MTCL1: variants seen among roughly 807,000 people sequenced by gnomAD.
MTCL1 encodes the protein microtubule crosslinking factor 1, also known as microtubule cross-linking factor 1.
In MTCL1, 79 loss-of-function variants were observed where a neutral mutation model predicts 141.4. The ratio of observed to expected loss-of-function variants is 0.56; its 90% CI spans 0.47 to 0.67. The LOEUF is 0.67. Among genes scored for constraint, MTCL1 ranks in the 30% least tolerant of loss-of-function variants. The probability of loss-of-function intolerance (pLI) is 0.00; values close to 1 mark genes in which losing one functional copy is unlikely to be tolerated. For synonymous variants in MTCL1, 914 were observed against 875.8 expected (o/e 1.04, Z -0.77); for missense variants, 2,177 against 2,113.9 (o/e 1.03, Z -0.59).
intron 4 of MTCL1, among the ~76,000 whole-genome samples, chr18:8,765,656 G>C (rs1298148367): frequency 1.3e-5 from 2 of 152,210 alleles, no homozygotes; most frequent in African/African-American, 2.4e-5. Context: ...CTCCTCCCAT[G>C]CTTCCTCCAA....
intron 16 of MTCL1, chr18:8,829,931 G>A: frequency 1.0e-6 from 1 of 985,294 alleles, no homozygotes; most frequent in Non-Finnish European, 1.2e-6. Context: ...CTGGCAAAGA[G>A]GGGGTACTGA....
chr18:8,806,080 G>A (rs1267024407), intron 10 of MTCL1, among the ~76,000 whole-genome samples: 1 of 152,112 alleles, frequency 6.6e-6, no homozygotes, highest in Non-Finnish European at 1.5e-5. Context: ...CTTAACATGA[G>A]CCAAGGATTG....
exon 13 of MTCL1, chr18:8,819,016 A>G: frequency 6.2e-7 from 1 of 1,614,256 alleles, no homozygotes; most frequent in Admixed American, 1.7e-5. Flanking sequence ...GTGATCAAAA[A>G]GACGGCAACG....
upstream of MTCL1, among the ~76,000 whole-genome samples, chr18:8,714,988 G>A (rs1347608768): frequency 2.0e-5 from 3 of 152,094 alleles, no homozygotes; most frequent in African/African-American, 7.2e-5. Context: ...AGTAGAGACA[G>A]GGTTTCACTG....
chr18:8,705,852 C>T lies in MTCL1; in HGVS notation c.192C>T (p.Pro64=), dbSNP rs1223842096. Residue 64 remains proline (P), a synonymous_variant, in exon 1 of 14, where the codon CCC becomes CCT. Coordinates refer to the MTCL1 transcript ENST00000306329. The surrounding 1 kb of genome is among the most constrained non-coding windows in gnomAD (Gnocchi z 5.2). ...CCGCCGCGCCCGGCCCGGCCGTCCC[C>T]TCCTCGGGCCGAGCCCCGGCTCCCG... 10 of 1,160,080 alleles carry T rather than the reference C, an allele frequency of 8.6e-6. No individual in the cohort carries two copies. The highest frequency in any genetic ancestry group is 1.1e-5 in the Non-Finnish European group (10 of 941,168). 71.9% of individuals were successfully genotyped at this position (1,160,080 alleles called of 1,614,324 possible).
chr18:8,756,160 C>T (rs2096396551), intron 4 of MTCL1, among the ~76,000 whole-genome samples: 1 of 152,046 alleles, frequency 6.6e-6, no homozygotes, highest in Non-Finnish European at 1.5e-5. Context: ...TAACCATGCA[C>T]AAGATTTAAC....
At chr18:8,721,966 A>T (rs190623118) in intron 4 of MTCL1, among the ~76,000 whole-genome samples, 1 of 152,224 alleles carries the variant, frequency 6.6e-6, no homozygotes, top group Non-Finnish European at 1.5e-5. Context: ...CTGGGAGATG[A>T]GGTGGCCTCC....
upstream of MTCL1, among the ~76,000 whole-genome samples, chr18:8,715,882 A>T (rs1273222958): frequency 6.6e-6 from 1 of 152,198 alleles, no homozygotes; most frequent in Admixed American, 6.5e-5. Context: ...GGTTTGCAGA[A>T]GGTTGTCAAG....
Position 8,830,060 on chromosome 18 carries a change from A to G in MTCL1, c.*18+1096A>G. The G allele has an allele frequency of 1.0e-6, 1 of 985,428 alleles. No homozygotes were observed. The allele number at this position is 985,428 out of a possible 1,614,324, so 61.0% of individuals were successfully genotyped here. On this transcript the variant is annotated intron_variant, in intron 16 of 16. Coordinates refer to ENST00000359865, the Ensembl canonical transcript of MTCL1. The surrounding 1 kb of genome is among the most constrained non-coding windows in gnomAD (Gnocchi z 6.4). Reference sequence around the variant, plus strand: ...ACAACACACACAGAACAGATACACAATACACAACACACACACTACTTCTAT... The same window carrying G: ...ACAACACACACAGAACAGATACACAGTACACAACACACACACTACTTCTAT...
upstream of MTCL1, among the ~76,000 whole-genome samples, chr18:8,716,569 ATTTTTT>A (rs138840096): frequency 1.9e-5 from 2 of 103,864 alleles, no homozygotes; most frequent in African/African-American, 3.8e-5. Context: ...CTTTTTGTTC[ATTTTTT>A]TTTTTTTTTT....
intron 5 of MTCL1, among the ~76,000 whole-genome samples, chr18:8,778,739 C>A (rs947439374): frequency 6.6e-6 from 1 of 152,226 alleles, no homozygotes; most frequent in Non-Finnish European, 1.5e-5. Flanking sequence ...TTTTGGAATC[C>A]ATTAATAACA....
In MTCL1 at chr18:8,826,235, A is replaced by G. The variant is rs369768345; in HGVS notation, c.4722+3A>G. 8.6e-5 allele frequency: 137 copies of G among 1,583,938 alleles called. No homozygotes were observed. The highest frequency in any genetic ancestry group is 1.1e-4 in the Non-Finnish European group (124 of 1,164,594). On this transcript the variant is annotated splice_donor_region_variant and intron_variant, in intron 15 of 16. Transcript: ENST00000359865. ...CAGCCGAGCCAGGGCCCATGGAGGT[A>G]ATGAATGCTGAGTGCCCCACACCCT... is the stretch of plus-strand genomic sequence containing the variant.
chr18:8,813,560 T>G (rs2076557592), intron 12 of MTCL1, among the ~76,000 whole-genome samples: 1 of 152,218 alleles, frequency 6.6e-6, no homozygotes, highest in Non-Finnish European at 1.5e-5. Context: ...AAGAGGAGGT[T>G]ATTTCAGGTC....
At chr18:8,718,869 T>G (rs1282712633) in intron 3 of MTCL1, among the ~76,000 whole-genome samples, 2 of 152,288 alleles carry the variant, frequency 1.3e-5, no homozygotes, top group Non-Finnish European at 2.9e-5. Context: ...AAATGATGAT[T>G]ATTTGTGATA....
intron 4 of MTCL1, among the ~76,000 whole-genome samples, chr18:8,737,390 G>C (rs1022096380): frequency 9.2e-5 from 14 of 152,158 alleles, no homozygotes; most frequent in Non-Finnish European, 1.9e-4. Context: ...ATCTCACTTC[G>C]TACCTGTATT....
chr18:8,801,636 T>TTTGCCACAGGCCTTCTTGGCCG, intron 10 of MTCL1: 1 of 152,074 alleles, frequency 6.6e-6, no homozygotes, highest in Admixed American at 6.5e-5. Context: ...AACCATGGCC[T>TTTGCCACAGGCCTTCTTGGCCG]GCAGTTTGCC....
intron 10 of MTCL1, among the ~76,000 whole-genome samples, chr18:8,804,919 A>T (rs2144072660): frequency 6.8e-6 from 1 of 147,796 alleles, no homozygotes; most frequent in East Asian, 2.1e-4. Flanking sequence ...TGAGCCCAGG[A>T]GGTTGAGGCT....
chr18:8,808,873 C>T (rs1424188937), intron 11 of MTCL1, among the ~76,000 whole-genome samples: 1 of 152,216 alleles, frequency 6.6e-6, no homozygotes, highest in Non-Finnish European at 1.5e-5. Flanking sequence ...AAAGTGCCCA[C>T]AGGGCTTTTG....
chr18:8,832,024 G>A (rs2077206633), exon 17 of MTCL1: 4 of 602,124 alleles, frequency 6.6e-6, no homozygotes, highest in Non-Finnish European at 1.1e-5. Flanking sequence ...TCATAGCTCA[G>A]AAAACTATTT....
Sources: allele counts gnomAD v4.1 joint callset (sites outside exome capture counted in the v4.1 genomes callset), GRCh38; gene constraint gnomAD v4.1.1; non-coding constraint Gnocchi (gnomAD v3.1); transcripts MANE v1.5; gene names NCBI Gene and HGNC (gene_info 2026-07-23, HGNC 2026-07-21).